MAGI1: variants seen among roughly 807,000 people sequenced by gnomAD.
MAGI1 encodes the protein membrane associated guanylate kinase, WW and PDZ domain containing 1.
A neutral mutation model predicts 139.9 loss-of-function variants in MAGI1; 58 were observed. The observed-to-expected ratio is 0.41, with a 90% CI of 0.34 to 0.52. MAGI1 has a LOEUF of 0.52. Ranked by LOEUF, MAGI1 falls within the 20% of genes least tolerant of loss-of-function variation. The probability of loss-of-function intolerance (pLI) is 0.12; values close to 1 mark genes in which losing one functional copy is unlikely to be tolerated. For synonymous variants in MAGI1, 812 were observed against 737.9 expected, an observed-to-expected ratio of 1.10 and a Z score of -1.63; for missense variants, 1,874 against 1,901.6, an observed-to-expected ratio of 0.99 and a Z score of 0.27.
intron 1 of MAGI1, among the ~76,000 whole-genome samples, chr3:66,029,775 T>C (rs529362736): frequency 1.3e-5 from 2 of 152,312 alleles, no homozygotes; most frequent in African/African-American, 4.8e-5. Flanking sequence ...GGATTCATGT[T>C]GGTGGGGAGC....
intron 1 of MAGI1, among the ~76,000 whole-genome samples, chr3:65,923,651 G>A (rs1162855006): frequency 6.6e-6 from 1 of 152,192 alleles, no homozygotes; most frequent in Non-Finnish European, 1.5e-5. Context: ...GCAAGAATGA[G>A]AGACATTCAA....
At chr3:65,681,103 T>C (rs1448185621) in intron 1 of MAGI1, among the ~76,000 whole-genome samples, 4 of 152,234 alleles carry the variant, frequency 2.6e-5, no homozygotes, top group Non-Finnish European at 4.4e-5. Flanking sequence ...TGATTTATCA[T>C]CTGTGCATTA....
At chr3:65,943,585 A>C (rs1375769690) in intron 1 of MAGI1, among the ~76,000 whole-genome samples, 1 of 151,572 alleles carries the variant, frequency 6.6e-6, no homozygotes, top group African/African-American at 2.4e-5. Context: ...AAAAAAAAAA[A>C]ACTTCTCAGG....
At chr3:65,863,480 T>C (rs555511312) in intron 1 of MAGI1, among the ~76,000 whole-genome samples, 1 of 152,336 alleles carries the variant, frequency 6.6e-6, no homozygotes, top group African/African-American at 2.4e-5. Flanking sequence ...CCACGTATCA[T>C]TAAGTAGTAT....
chr3:65,713,810 C>T (rs1312078612), intron 1 of MAGI1, among the ~76,000 whole-genome samples: 3 of 152,170 alleles, frequency 2.0e-5, no homozygotes, highest in African/African-American at 7.2e-5. Context: ...TAAACATTTA[C>T]TGCATGCCTG....
At chr3:65,923,096 C>T (rs1172195516) in intron 1 of MAGI1, among the ~76,000 whole-genome samples, 1 of 152,148 alleles carries the variant, frequency 6.6e-6, no homozygotes, top group Non-Finnish European at 1.5e-5. Context: ...CTCCAAGATC[C>T]CAGGATCACA....
chr3:65,420,499 T>C (rs1013896627), intron 12 of MAGI1, among the ~76,000 whole-genome samples: 11 of 152,148 alleles, frequency 7.2e-5, no homozygotes, highest in African/African-American at 2.7e-4. Context: ...CTTTCTCCCC[T>C]TCCCCTAGAA....
intron 1 of MAGI1, among the ~76,000 whole-genome samples, chr3:65,957,129 T>C (rs2064162431): frequency 6.6e-6 from 1 of 152,008 alleles, no homozygotes; most frequent in South Asian, 2.1e-4. Context: ...AGTATAATAA[T>C]TTGTAATAGT....
intron 1 of MAGI1, among the ~76,000 whole-genome samples, chr3:65,937,101 ACC>A (rs1424362501): frequency 6.6e-6 from 1 of 152,134 alleles, no homozygotes; most frequent in Non-Finnish European, 1.5e-5. Flanking sequence ...CCTACACCAC[ACC>A]CACTGTCCCA....
rs145033677 is a variant in MAGI1 at position 65,922,506 on chromosome 3, C to T, written c.313+115490G>A. The stretch of plus-strand genomic sequence containing the variant: ...ATGACACAGATACAAACCAAGGATG[C>T]CAAGGATTGCTGGAAACCACCAGAA... On this transcript the variant is annotated intron_variant, in intron 1 of 22. Coordinates refer to ENST00000402939, the MANE Select transcript of MAGI1 (RefSeq NM_001033057.2). Among the ~76,000 whole-genome samples, 8 of 152,196 alleles carry T rather than the reference C, an allele frequency of 5.3e-5. No homozygotes were observed. In the East Asian group the frequency reaches 1.5e-3, roughly 29 times the overall value.
intron 5 of MAGI1, among the ~76,000 whole-genome samples, chr3:65,460,196 G>T (rs1421729628): frequency 6.6e-5 from 10 of 152,164 alleles, no homozygotes; most frequent in Non-Finnish European, 2.9e-5. Context: ...TACACTGATT[G>T]ATTTATTTGA....
At chr3:65,477,543 T>C (rs1168630373) in intron 4 of MAGI1, among the ~76,000 whole-genome samples, 1 of 152,152 alleles carries the variant, frequency 6.6e-6, no homozygotes, top group Non-Finnish European at 1.5e-5. Flanking sequence ...AAACAAGGTG[T>C]TCGTCTAATC....
intron 1 of MAGI1, among the ~76,000 whole-genome samples, chr3:65,637,562 AAG>A (rs1255890198): frequency 2.5e-5 from 2 of 81,626 alleles, no homozygotes; most frequent in South Asian, 3.4e-4. Flanking sequence ...CAAAAAAAGA[AAG>A]AAAGAAAGAA....
chr3:65,402,483 T>G (rs551170593), intron 12 of MAGI1, among the ~76,000 whole-genome samples: 1 of 152,356 alleles, frequency 6.6e-6, no homozygotes, highest in African/African-American at 2.4e-5. Flanking sequence ...AGTAATCATT[T>G]CTGCAAGCTG....
intron 1 of MAGI1, among the ~76,000 whole-genome samples, chr3:66,003,108 G>T (rs2066834018): frequency 6.6e-6 from 1 of 152,168 alleles, no homozygotes; most frequent in East Asian, 1.9e-4. Flanking sequence ...AAGAAGAAGA[G>T]ATAACTTTGA....
At chr3:65,653,880 C>T (rs1216890255) in intron 1 of MAGI1, among the ~76,000 whole-genome samples, 1 of 152,134 alleles carries the variant, frequency 6.6e-6, no homozygotes, top group Non-Finnish European at 1.5e-5. Flanking sequence ...TAAAACACAA[C>T]TCCAACTATG....
intron 1 of MAGI1, among the ~76,000 whole-genome samples, chr3:65,691,899 C>T (rs1291250571): frequency 6.6e-6 from 1 of 152,164 alleles, no homozygotes; most frequent in Admixed American, 6.5e-5. Flanking sequence ...ATTAGCTTCT[C>T]ACAAAACCTA....
intron 1 of MAGI1, among the ~76,000 whole-genome samples, chr3:65,701,578 ACTTTT>A (rs1313893102): frequency 6.7e-6 from 1 of 150,306 alleles, no homozygotes; most frequent in Non-Finnish European, 1.5e-5. Context: ...TGCAAGGTTC[ACTTTT>A]CTTTTTTTTT....
chr3:65,402,121 G>A (rs934202195), intron 12 of MAGI1, among the ~76,000 whole-genome samples: 1 of 152,152 alleles, frequency 6.6e-6, no homozygotes, highest in Non-Finnish European at 1.5e-5. Context: ...CTGTCTCAAC[G>A]TCTGCCAGTC....
Sources: gnomAD v4.1 joint callset for allele counts (sites outside exome capture counted in the v4.1 genomes callset) on GRCh38, gnomAD v4.1.1 for gene constraint, MANE v1.5 for transcripts, NCBI Gene and HGNC (gene_info 2026-07-23, HGNC 2026-07-21) for gene names.